Variants in EXOC2 observed in about 807,000 individuals in gnomAD.
The protein encoded by EXOC2 is SEC5-like 1.
A neutral mutation model predicts 131.8 loss-of-function variants in EXOC2; 70 were observed. The observed-to-expected ratio is 0.53, with a 90% CI of 0.44 to 0.65. The LOEUF (loss-of-function observed/expected upper bound fraction) is 0.65. Among genes scored for constraint, EXOC2 ranks in the 30% least tolerant of loss-of-function variants. The probability of loss-of-function intolerance (pLI) is 0.00; values close to 1 mark genes in which losing one functional copy is unlikely to be tolerated. For synonymous variants in EXOC2, 411 were observed against 398.4 expected, an observed-to-expected ratio of 1.03 and a Z score of -0.38; for missense variants, 923 against 1,108.6, an observed-to-expected ratio of 0.83 and a Z score of 2.38.
chr6:564,512 T>A, intron 15 of EXOC2, 33 bp downstream of exon 15: 1 of 1,612,212 alleles, frequency 6.2e-7, no homozygotes. Flanking sequence ...AAAACAGAAG[T>A]ACGCCTTTCT....
chr6:558,478 T>C (rs1241475890), intron 17 of EXOC2, among the ~76,000 whole-genome samples: 2 of 152,174 alleles, frequency 1.3e-5, no homozygotes, highest in Non-Finnish European at 2.9e-5. Flanking sequence ...ATTACTATAA[T>C]ATTGACAATC....
chr6:626,383 A>G (rs1253039257), intron 4 of EXOC2, among the ~76,000 whole-genome samples: 1 of 152,182 alleles, frequency 6.6e-6, no homozygotes, highest in Non-Finnish European at 1.5e-5. Context: ...CACCCCAAAG[A>G]GCCACAAGGC....
chr6:592,911 T>C (rs553165148), intron 10 of EXOC2, among the ~76,000 whole-genome samples: 2 of 152,190 alleles, frequency 1.3e-5, no homozygotes, highest in South Asian at 2.1e-4. Context: ...AAGCCTGTAA[T>C]CTCAGCTACT....
chr6:610,782 G>A (rs1760675326), intron 6 of EXOC2, among the ~76,000 whole-genome samples: 1 of 152,124 alleles, frequency 6.6e-6, no homozygotes, highest in South Asian at 2.1e-4. Flanking sequence ...GCTCCTTTTA[G>A]TTTCTAATTA....
chr6:580,742 T>C (rs1221060059), intron 11 of EXOC2, among the ~76,000 whole-genome samples: 1 of 152,192 alleles, frequency 6.6e-6, no homozygotes, highest in Admixed American at 6.5e-5. Flanking sequence ...TAGGGCTTTA[T>C]ACTATGCAAT....
chr6:559,737 G>A (rs1455750316), intron 17 of EXOC2, among the ~76,000 whole-genome samples: 1 of 152,190 alleles, frequency 6.6e-6, no homozygotes, highest in Non-Finnish European at 1.5e-5. Flanking sequence ...AGGCAAACGA[G>A]GTCTGGAGGC....
chr6:557,616 T>C (rs1234832181), intron 17 of EXOC2, among the ~76,000 whole-genome samples: 3 of 18,268 alleles, frequency 1.6e-4, no homozygotes, highest in Non-Finnish European at 2.3e-4. Context: ...AGACTTCATC[T>C]CAAAAAAAAA....
At chr6:568,703 C>G (rs1245389505) in intron 13 of EXOC2, among the ~76,000 whole-genome samples, 1 of 152,140 alleles carries the variant, frequency 6.6e-6, no homozygotes, top group African/African-American at 2.4e-5. Flanking sequence ...CTTGTATCCT[C>G]CACAGTACCT....
intron 16 of EXOC2, among the ~76,000 whole-genome samples, chr6:563,404 T>A (rs1757802324): frequency 6.6e-6 from 1 of 152,240 alleles, no homozygotes; most frequent in Non-Finnish European, 1.5e-5. Flanking sequence ...ATTTACACAG[T>A]ATCGCCCACC....
chr6:617,636 C>A, intron 6 of EXOC2, 75 bp downstream of exon 6: 2 of 1,549,376 alleles, frequency 1.3e-6, no homozygotes, highest in African/African-American at 1.4e-5. Context: ...GTGTCACACC[C>A]TGTAAACACC....
intron 23 of EXOC2, among the ~76,000 whole-genome samples, chr6:528,903 C>CTT (rs1346800106): frequency 2.0e-5 from 3 of 152,260 alleles, no homozygotes; most frequent in Non-Finnish European, 4.4e-5. Flanking sequence ...CCAGTGAGGA[C>CTT]TTTGAAATTC....
At chr6:687,770 A>C (rs557262489) in intron 1 of EXOC2, among the ~76,000 whole-genome samples, 1 of 152,350 alleles carries the variant, frequency 6.6e-6, no homozygotes, top group East Asian at 1.9e-4. Context: ...ATCGTAGCTG[A>C]AACCAGACAG....
chr6:496,509 C>G (rs377375581), intron 25 of EXOC2, among the ~76,000 whole-genome samples: 2 of 152,076 alleles, frequency 1.3e-5, no homozygotes, highest in East Asian at 1.9e-4. Flanking sequence ...TATGGGATAC[C>G]TCTCTCACCT....
intron 7 of EXOC2, among the ~76,000 whole-genome samples, chr6:599,831 T>C (rs562349517): frequency 4.0e-5 from 6 of 151,448 alleles, no homozygotes; most frequent in African/African-American, 7.3e-5. Context: ...TATAAAAGTA[T>C]ACATGAGCTG....
rs779755243 is a variant in EXOC2, at chr6:637,811, C to T, written c.8G>A (p.Arg3Gln). The change falls in exon 2 of 28, where the codon CGA becomes CAA. Residue 3 changes from arginine (R) to glutamine (Q), a missense_variant. Physicochemically the swap from Arg to Gln is conservative, Grantham distance 43. Coordinates refer to ENST00000230449, the MANE Select transcript of EXOC2 (RefSeq NM_018303.6). ...GGTCACAAGGGGGGGTTGTCGTGAT[C>T]GAGACATTGTGCTTTGTGGAGCAAA... MS[R>Q]SRQPPLVTGI... The T allele has an allele frequency of 8.1e-6, 13 of 1,613,256 alleles. No homozygotes were observed. Among genetic ancestry groups the T allele is most frequent in the South Asian group, 2.2e-5 (2 of 90,906 alleles).
At chr6:637,987 T>G (rs1395773385) in intron 1 of EXOC2, 126 bp from the exon 2 acceptor site, 20 of 617,082 alleles carry the variant, frequency 3.2e-5, no homozygotes, top group Non-Finnish European at 5.4e-5. Context: ...TTTGAATTTT[T>G]TAGGGGTCAT....
intron 6 of EXOC2, among the ~76,000 whole-genome samples, chr6:614,904 T>C (rs1250030080): frequency 2.7e-5 from 4 of 149,760 alleles, no homozygotes; most frequent in African/African-American, 9.9e-5. Flanking sequence ...ACAGAGACTA[T>C]GAAAACAAAA....
At chr6:619,953 A>G (rs1281844247) in intron 4 of EXOC2, among the ~76,000 whole-genome samples, 1 of 152,268 alleles carries the variant, frequency 6.6e-6, no homozygotes, top group African/African-American at 2.4e-5. Context: ...CTTTGTTAAA[A>G]TGATTTTTGT....
At chr6:491,218 G>A (rs1444475426) in intron 25 of EXOC2, 32 bp from the exon 26 acceptor site, 2 of 1,608,780 alleles carry the variant, frequency 1.2e-6, no homozygotes, top group African/African-American at 2.7e-5. Context: ...AGTGACAACA[G>A]GAAAATTTAT....
Sources: allele counts gnomAD v4.1 joint callset (sites outside exome capture counted in the v4.1 genomes callset), GRCh38; gene constraint gnomAD v4.1.1; transcripts MANE v1.5; gene names NCBI Gene and HGNC (gene_info 2026-07-23, HGNC 2026-07-21).